ERC2: variants seen among roughly 807,000 people sequenced by gnomAD.
ERC2 encodes ELKS/RAB6-interacting/CAST family member 2, also known as ERC protein 2.
A neutral mutation model predicts 114.8 loss-of-function variants in ERC2; 42 were observed. The observed-to-expected ratio is 0.37, with a 90% confidence interval of 0.29 to 0.47. The LOEUF (loss-of-function observed/expected upper bound fraction) is 0.47. ERC2 is among the 20% of genes least tolerant of loss of function. The probability of loss-of-function intolerance (pLI) is 0.99; values close to 1 mark genes in which losing one functional copy is unlikely to be tolerated. For synonymous variants in ERC2, 454 were observed against 425.5 expected (o/e 1.07, Z -0.82); for missense variants, 939 against 1,150.7 (o/e 0.82, Z 2.66).
At chr3:56,435,582 T>G (rs1332304707) in intron 1 of ERC2, among the ~76,000 whole-genome samples, 1 of 152,224 alleles carries the variant, frequency 6.6e-6, no homozygotes, top group Non-Finnish European at 1.5e-5. Context: ...TCTGAGAAGC[T>G]GCTGATTCCT....
chr3:55,858,110 CAT>C (rs1488369464), intron 14 of ERC2, among the ~76,000 whole-genome samples: 6 of 152,254 alleles, frequency 3.9e-5, no homozygotes, highest in African/African-American at 7.2e-5. Flanking sequence ...TGCATACACA[CAT>C]AGACACATAT....
intron 2 of ERC2, among the ~76,000 whole-genome samples, chr3:56,327,574 G>T (rs1007620111): frequency 2.0e-5 from 3 of 152,164 alleles, no homozygotes; most frequent in African/African-American, 4.8e-5. Flanking sequence ...TACTCAGGAG[G>T]CTGAGGCAGA....
chr3:56,392,156 AT>A (rs1422230484), intron 2 of ERC2, among the ~76,000 whole-genome samples: 1 of 152,258 alleles, frequency 6.6e-6, no homozygotes, highest in African/African-American at 2.4e-5. Context: ...TGTTTCAAAT[AT>A]CAAAATTATT....
chr3:55,559,251 C>CCAAG, intron 17 of ERC2, among the ~76,000 whole-genome samples: 1 of 152,214 alleles, frequency 6.6e-6, no homozygotes, highest in East Asian at 1.9e-4. Context: ...TCCAAGAAAG[C>CCAAG]AATGGTTCTC....
Position 55,522,477 on chromosome 3 carries a change from T to C in ERC2, c.*40-11201A>G, listed in dbSNP as rs1202233386. On this transcript the variant is annotated intron_variant, in intron 17 of 17. Transcript: ENST00000288221. ...ACTACAGGAATCCTTCCTTCCTTTC[T>C]CCTTTCCTTCCCACCCTCCCTTGCC... Among the ~76,000 whole-genome samples the C allele has an allele frequency of 2.8e-5, 4 of 145,374 alleles. No homozygotes were observed. The South Asian group carries it at 8.4e-4, about 31-fold the overall frequency.
At chr3:55,888,130 C>G (rs1424165385) in intron 14 of ERC2, among the ~76,000 whole-genome samples, 1 of 152,228 alleles carries the variant, frequency 6.6e-6, no homozygotes, top group African/African-American at 2.4e-5. Flanking sequence ...TGAATCCCAG[C>G]ACCATCCACA....
chr3:56,450,368 C>A (rs1159329064), intron 1 of ERC2, among the ~76,000 whole-genome samples: 1 of 152,192 alleles, frequency 6.6e-6, no homozygotes, highest in Non-Finnish European at 1.5e-5. Flanking sequence ...GCTCTGCATG[C>A]CCAAATATTA....
intron 2 of ERC2, among the ~76,000 whole-genome samples, chr3:56,330,678 C>T (rs937682847): frequency 6.6e-6 from 1 of 152,162 alleles, no homozygotes; most frequent in Non-Finnish European, 1.5e-5. Flanking sequence ...TGACATGACT[C>T]GCAACAAAAA....
At chr3:56,237,503 C>T (rs990793557) in intron 3 of ERC2, among the ~76,000 whole-genome samples, 1 of 152,308 alleles carries the variant, frequency 6.6e-6, no homozygotes, top group African/African-American at 2.4e-5. Flanking sequence ...ATGTCAGTCA[C>T]TGTAAAAATC....
chr3:55,854,790 T>C (rs1028765786), intron 14 of ERC2, among the ~76,000 whole-genome samples: 1 of 150,832 alleles, frequency 6.6e-6, no homozygotes, highest in Non-Finnish European at 1.5e-5. Flanking sequence ...ACATTCACAA[T>C]GGGCTCTGGA....
intron 7 of ERC2, among the ~76,000 whole-genome samples, chr3:56,076,166 G>A (rs1370073760): frequency 1.3e-5 from 2 of 152,102 alleles, no homozygotes; most frequent in Non-Finnish European, 2.9e-5. Context: ...CAGAGAGATC[G>A]CCATCTGTTT....
Position 55,609,677 on chromosome 3 carries a change from T to G in ERC2, c.*39+74117A>C, listed in dbSNP as rs545765576. 2.0e-5 allele frequency among the ~76,000 whole-genome samples: 3 copies of G among 152,204 alleles called. No individual in the cohort carries two copies. In the East Asian group the frequency reaches 5.8e-4, roughly 30 times the overall value. On this transcript the variant is annotated intron_variant, in intron 17 of 17. Coordinates refer to ENST00000288221, the MANE Select transcript of ERC2 (RefSeq NM_015576.3). ...CATTTCGAGGATGGAATCAATCCAC[T>G]GTGGCTCCGAGGCCTGCCTCCTGCT...
At chr3:56,056,703 G>A (rs2149697095) in intron 7 of ERC2, among the ~76,000 whole-genome samples, 1 of 152,258 alleles carries the variant, frequency 6.6e-6, no homozygotes, top group Non-Finnish European at 1.5e-5. Context: ...ACGAGATGAT[G>A]TGACAAGTGC....
chr3:56,076,729 C>T (rs1011549844), intron 7 of ERC2, among the ~76,000 whole-genome samples: 3 of 152,162 alleles, frequency 2.0e-5, no homozygotes, highest in African/African-American at 4.8e-5. Context: ...ATCAGAGATG[C>T]TCCTCCACCT....
At position 56,265,549 on chromosome 3, in the gene ERC2, A is replaced by T. The variant is rs560020555; in HGVS notation, c.1074+30470T>A. Among the ~76,000 whole-genome samples, 6 of 152,338 alleles carry T rather than the reference A, an allele frequency of 3.9e-5. No homozygotes were observed. The South Asian group carries it at 1.2e-3, about 32-fold the overall frequency. ...CTTCTTGACATTGGTTGTAGCAATG[A>T]TTTCTCAGATGAAACACCAAAAACA... On this transcript the variant is annotated intron_variant, in intron 3 of 17. Coordinates refer to ENST00000288221, the MANE Select transcript of ERC2 (RefSeq NM_015576.3).
intron 10 of ERC2, among the ~76,000 whole-genome samples, chr3:55,993,576 T>A (rs945286221): frequency 3.3e-5 from 5 of 152,042 alleles, no homozygotes; most frequent in African/African-American, 1.2e-4. Context: ...GAAATAATAT[T>A]TTTGCATGTA....
At chr3:56,398,484 C>G (rs565874496) in intron 2 of ERC2, among the ~76,000 whole-genome samples, 4 of 151,938 alleles carry the variant, frequency 2.6e-5, no homozygotes, top group Non-Finnish European at 5.9e-5. Context: ...TTGAGACATA[C>G]TTATACTAGA....
intron 17 of ERC2, among the ~76,000 whole-genome samples, chr3:55,579,117 C>G (rs1392944533): frequency 6.6e-6 from 1 of 152,140 alleles, no homozygotes; most frequent in Non-Finnish European, 1.5e-5. Flanking sequence ...TTTATGGGAA[C>G]AGTTATAAAA....
chr3:56,429,108 T>C (rs2061688296), intron 2 of ERC2, among the ~76,000 whole-genome samples: 2 of 152,220 alleles, frequency 1.3e-5, no homozygotes, highest in African/African-American at 4.8e-5. Flanking sequence ...ACACAGAAGT[T>C]TTTATAAACC....
Sources: allele counts gnomAD v4.1 joint callset (sites outside exome capture counted in the v4.1 genomes callset), GRCh38; gene constraint gnomAD v4.1.1; transcripts MANE v1.5; gene names NCBI Gene and HGNC (gene_info 2026-07-23, HGNC 2026-07-21).